PIEZO1: variants seen among roughly 807,000 people sequenced by gnomAD.
PIEZO1 encodes piezo type mechanosensitive ion channel component 1 (Er blood group), also known as piezo-type mechanosensitive ion channel component 1.
In PIEZO1, 296 loss-of-function variants were observed where a neutral mutation model predicts 297.2. That is an observed-to-expected ratio of 1.00 (90% CI 0.91 to 1.10). The LOEUF is 1.10. Among genes scored for constraint, PIEZO1 ranks in the 50% least tolerant of loss-of-function variants. The probability of loss-of-function intolerance (pLI) is 0.00; values close to 1 mark genes in which losing one functional copy is unlikely to be tolerated. For missense variants in PIEZO1, 5,018 were observed against 3,455.5 expected, an observed-to-expected ratio of 1.45 and a Z score of -11.34; for synonymous variants, 2,427 against 1,507.5, an observed-to-expected ratio of 1.61 and a Z score of -14.13.
At chr16:88,755,035 TGCGGCCATCAGGTCACCGCC>T (rs1185367625) in intron 1 of PIEZO1, among the ~76,000 whole-genome samples, 1 of 152,198 alleles carries the variant, frequency 6.6e-6, no homozygotes, top group Non-Finnish European at 1.5e-5. Flanking sequence ...TGGACACACC[TGCGGCCATCAGGTCACCGCC>T]GCGGCCATCA....
chr16:88,723,181 C>T (rs1219356922), intron 32 of PIEZO1, 30 bp from the exon 33 acceptor site: 1 of 1,549,328 alleles, frequency 6.5e-7, no homozygotes, highest in Admixed American at 2.0e-5. Flanking sequence ...GAGTGACTGG[C>T]AGTCCCGCGG....
At chr16:88,759,425 C>G (rs933705596) in intron 1 of PIEZO1, among the ~76,000 whole-genome samples, 1 of 152,260 alleles carries the variant, frequency 6.6e-6, no homozygotes, top group African/African-American at 2.4e-5. Context: ...CAAGCCCCAG[C>G]TGCCCTCCCC....
chr16:88,757,273 C>T lies in PIEZO1; in HGVS notation c.65-7794G>A, dbSNP rs193299954. ...AGGGACCTCGAGAGAGCTGGCAGCG[C>T]AGCAGCACCTGGTGCAGGCCCTGGG... On this transcript the variant is annotated intron_variant, in intron 1 of 50. Transcript: ENST00000301015. Among the ~76,000 whole-genome samples the T allele has an allele frequency of 3.0e-3, 420 of 139,972 alleles. 4 individuals carry two copies. Among genetic ancestry groups the T allele is most frequent in the African/African-American group, 0.011 (396 of 37,450 alleles). 91.8% of individuals were successfully genotyped at this position (139,972 alleles called of 152,430 possible). A position where few individuals can be genotyped will look rare whatever the true frequency, so the allele number is the denominator to read the frequency against.
rs550834993 is a variant in PIEZO1 at position 88,773,228 on chromosome 16, C to G, written c.64+11673G>C. On this transcript the variant is annotated intron_variant, in intron 1 of 50. Coordinates refer to ENST00000301015, the MANE Select transcript of PIEZO1 (RefSeq NM_001142864.4). ...AGTAACTCCCGGCGTCACGCCCAGG[C>G]CCTCGCTCAGGGGATCTGAGTAGAG... Among the ~76,000 whole-genome samples the G allele has an allele frequency of 2.0e-5, 3 of 152,374 alleles. No homozygotes were observed. The South Asian group carries it at 6.2e-4, about 32-fold the overall frequency.
At chr16:88,717,392 C>A in intron 44 of PIEZO1, 181 bp from the exon 45 acceptor site, 3 of 656,650 alleles carry the variant, frequency 4.6e-6, no homozygotes, top group Non-Finnish European at 8.2e-6. Context: ...AGTTGGAACC[C>A]TCATGTTCAG....
At chr16:88,755,821 G>A (rs1013526138) in intron 1 of PIEZO1, among the ~76,000 whole-genome samples, 2 of 152,194 alleles carry the variant, frequency 1.3e-5, no homozygotes, top group Non-Finnish European at 2.9e-5. Flanking sequence ...TGGACAGGTG[G>A]GGACCGGGTG....
chr16:88,784,930 C>T lies in PIEZO1; in HGVS notation c.35G>A (p.Trp12Ter). ...EPHVLGAVLY[W>*]LLLPCALLAA... is the part of the protein sequence containing the mutation. ...CAGCAGCGCGCAGGGCAGCAGCAGC[C>T]AGTACAGGACCGCGCCGAGCACGTG... The change falls in exon 1 of 51, where the codon TGG (tryptophan) becomes TAG (stop). Residue 12 changes from tryptophan to a stop codon, truncating the protein, a stop_gained. Transcript: ENST00000301015. LOFTEE classifies it high-confidence loss of function. 7.1e-7 allele frequency: 1 copy of T among 1,414,840 alleles called. No homozygotes were observed. Among genetic ancestry groups the T allele is most frequent in the Non-Finnish European group, 9.3e-7 (1 of 1,079,282 alleles). 87.6% of individuals were successfully genotyped at this position (1,414,840 alleles called of 1,614,324 possible). A position where few individuals can be genotyped will look rare whatever the true frequency, so the allele number is the denominator to read the frequency against.
intron 22 of PIEZO1, among the ~76,000 whole-genome samples, chr16:88,729,745 AAAAC>A (rs1437477406): frequency 5.8e-5 from 8 of 137,802 alleles, no homozygotes; most frequent in Admixed American, 2.9e-4. Flanking sequence ...TCGCGACACA[AAAAC>A]AAAGTGACCC....
chr16:88,716,927 C>A (rs778677711), intron 45 of PIEZO1, 29 bp from the exon 46 acceptor site: 2 of 1,548,012 alleles, frequency 1.3e-6, no homozygotes, highest in Non-Finnish European at 1.7e-6. Flanking sequence ...CACGGGGCCA[C>A]GAAGATGAGC....
chr16:88,766,788 A>G (rs1401881732), intron 1 of PIEZO1, among the ~76,000 whole-genome samples: 11 of 152,304 alleles, frequency 7.2e-5, no homozygotes, highest in Admixed American at 3.9e-4. Flanking sequence ...CCAGCCCCAG[A>G]ACGGGGACCC....
intron 1 of PIEZO1, among the ~76,000 whole-genome samples, chr16:88,759,341 G>C (rs1364681843): frequency 1.3e-5 from 2 of 152,172 alleles, no homozygotes; most frequent in African/African-American, 4.8e-5. Flanking sequence ...GGCCGGGTGA[G>C]GGCAGGCGAG....
chr16:88,723,015 G>T lies in PIEZO1; in HGVS notation c.4496-6C>A, dbSNP rs531726443. On this transcript the variant is annotated splice_polypyrimidine_tract_variant and splice_region_variant and intron_variant, in intron 33 of 50. Coordinates refer to ENST00000301015, the MANE Select transcript of PIEZO1 (RefSeq NM_001142864.4). ...CTGCACCACATGGCTCCGGCCTGCG[G>T]GAGGGCGGGAGGGGGCGCTGGAGGG... is the stretch of plus-strand genomic sequence containing the variant. 5 of 1,544,070 alleles carry T rather than the reference G, an allele frequency of 3.2e-6. No homozygotes were observed. Among genetic ancestry groups the T allele is most frequent in the South Asian group, 2.4e-5 (2 of 83,946 alleles).
rs372939960 is a variant in PIEZO1, at chr16:88,720,089, G to A, written c.6144C>T (p.Ile2048=). Residue 2048 remains isoleucine, a synonymous_variant, in exon 42 of 51, where the codon ATC becomes ATT. Transcript: ENST00000301015. Reference sequence around the variant, plus strand: ...CCCACCTCTCAGTGACGGCGGGCAGGATGAAGAACATCCATAGGTGGATGG... The same window carrying A: ...CCCACCTCTCAGTGACGGCGGGCAGAATGAAGAACATCCATAGGTGGATGG... ...VLAIHLWMFF[I]LPAVTERMFN... is the part of the protein sequence containing the mutation. 1.1e-4 allele frequency: 175 copies of A among 1,550,350 alleles called. 1 individual carries two copies. In the African/African-American group the frequency reaches 2.2e-3, roughly 20 times the overall value.
At chr16:88,784,670 G>T (rs1908096566) in intron 1 of PIEZO1, among the ~76,000 whole-genome samples, 1 of 151,584 alleles carries the variant, frequency 6.6e-6, no homozygotes, top group African/African-American at 2.4e-5. Context: ...ACGCGGTGCC[G>T]TCTCCCCCAG....
In PIEZO1 at chr16:88,720,425, A is replaced by G. The variant is rs1912347578; in HGVS notation, c.5909T>C (p.Val1970Ala). The part of the protein sequence containing the change: ...VYALMFLADV[V>A]DFIIIIFGFW... ...GCCAAAAATGATGATGATGAAGTCG[A>G]CAACATCAGCCAGGAACATGAGGGC... is the stretch of plus-strand genomic sequence containing the variant. Residue 1970 changes from valine to alanine, a missense_variant, in exon 41 of 51, where the codon GTC becomes GCC. By Grantham distance (64) the Val-to-Ala change is moderately conservative. Transcript: ENST00000301015. 6.5e-7 allele frequency: 1 copy of G among 1,550,310 alleles called. No individual in the cohort carries two copies. Among genetic ancestry groups the G allele is most frequent in the Non-Finnish European group, 8.7e-7 (1 of 1,146,940 alleles).
rs566440325 is a variant in PIEZO1 at position 88,727,636 on chromosome 16, G to A, written c.3222C>T (p.Ala1074=). Residue 1074 remains alanine (A), a synonymous_variant, in exon 23 of 51, where the codon GCC becomes GCT. Coordinates refer to ENST00000301015, the MANE Select transcript of PIEZO1 (RefSeq NM_001142864.4). ...TGATGAGTGCGGAGTTCATGGGGAC[G>A]GCCCGGCTCCAGCGCCAGGGATAAT... ...CIDYPWRWSR[A]VPMNSALIKW... 33 of 1,498,274 alleles carry A rather than the reference G, an allele frequency of 2.2e-5. 1 individual carries two copies. Among genetic ancestry groups the A allele is most frequent in the Middle Eastern group, 1.7e-4 (1 of 5,786 alleles). The allele number at this position is 1,498,274 out of a possible 1,614,324, so 92.8% of individuals were successfully genotyped here. A position where few individuals can be genotyped will look rare whatever the true frequency, so the allele number is the denominator to read the frequency against.
At chr16:88,771,232 C>G (rs573815133) in intron 1 of PIEZO1, among the ~76,000 whole-genome samples, 17 of 152,366 alleles carry the variant, frequency 1.1e-4, no homozygotes, top group Non-Finnish European at 1.8e-4. Context: ...CAGTGACCCC[C>G]CCTTGGGAGG....
intron 30 of PIEZO1, among the ~76,000 whole-genome samples, 163 bp from the exon 31 acceptor site, chr16:88,724,134 A>G (rs1267076378): frequency 6.6e-6 from 1 of 152,178 alleles, no homozygotes; most frequent in Admixed American, 6.5e-5. Context: ...GACAAGACAG[A>G]GGTGGGCAGG....
intron 1 of PIEZO1, among the ~76,000 whole-genome samples, chr16:88,771,210 G>A (rs1907410612): frequency 6.6e-6 from 1 of 152,202 alleles, no homozygotes; most frequent in East Asian, 1.9e-4. Flanking sequence ...AGCCTTGCAG[G>A]AACTCTGCAC....
Sources: allele counts gnomAD v4.1 joint callset (sites outside exome capture counted in the v4.1 genomes callset), GRCh38; gene constraint gnomAD v4.1.1; transcripts MANE v1.5; gene names NCBI Gene and HGNC (gene_info 2026-07-23, HGNC 2026-07-21).